CCNH: variants seen among roughly 807,000 people sequenced by gnomAD.
The protein encoded by CCNH is cyclin-H.
Under a neutral mutation model 41.9 loss-of-function variants are expected in CCNH, and 31 were observed. That is an observed-to-expected ratio of 0.74 (90% CI 0.56 to 1.00). The LOEUF (loss-of-function observed/expected upper bound fraction) is 1.00. Among genes scored for constraint, CCNH ranks in the 50% least tolerant of loss-of-function variants. CCNH has a pLI of 0.00. For missense variants in CCNH, 362 were observed against 388.4 expected (o/e 0.93, Z 0.57); for synonymous variants, 138 against 136.1 (o/e 1.01, Z -0.10).
chr5:87,345,540 T>G (rs1758800701), intron 9 of CCNH, among the ~76,000 whole-genome samples: 1 of 152,164 alleles, frequency 6.6e-6, no homozygotes, highest in Admixed American at 6.5e-5. Flanking sequence ...AGTTGTTGTA[T>G]TCTTGCTTTA....
chr5:87,398,795 A>G (rs2112554565), intron 7 of CCNH, among the ~76,000 whole-genome samples: 1 of 152,126 alleles, frequency 6.6e-6, no homozygotes, highest in Admixed American at 6.5e-5. Flanking sequence ...AACACGATGA[A>G]ACCCCGTCTC....
At chr5:87,356,102 C>T (rs1759628610) in intron 9 of CCNH, among the ~76,000 whole-genome samples, 1 of 152,160 alleles carries the variant, frequency 6.6e-6, no homozygotes, top group Admixed American at 6.5e-5. Context: ...TTAGAATATT[C>T]TATAAACTTA....
chr5:87,406,893 C>T (rs1200027290), intron 4 of CCNH, among the ~76,000 whole-genome samples: 1 of 152,148 alleles, frequency 6.6e-6, no homozygotes, highest in East Asian at 1.9e-4. Context: ...AGGTTGCCAA[C>T]ATGATCTTTT....
At chr5:87,385,270 G>A (rs368014617) in intron 9 of CCNH, 1 of 1,388,912 alleles carries the variant, frequency 7.2e-7, no homozygotes, top group Non-Finnish European at 1.0e-6. Context: ...GTTGGACTTG[G>A]TGTCATTAGC....
chr5:87,395,799 G>A (rs1285867323), intron 7 of CCNH, among the ~76,000 whole-genome samples: 1 of 152,124 alleles, frequency 6.6e-6, no homozygotes, highest in Non-Finnish European at 1.5e-5. Context: ...AGCCCAGAAG[G>A]CAGAGGGTGC....
At chr5:87,390,994 C>T, downstream of CCNH, 3 of 1,080,550 alleles carry the variant, frequency 2.8e-6, no homozygotes, top group South Asian at 3.9e-5. Context: ...TTCCACATTC[C>T]AGTGATGTGT....
intron 9 of CCNH, among the ~76,000 whole-genome samples, chr5:87,369,542 G>A (rs191517243): frequency 2.2e-4 from 33 of 152,072 alleles, no homozygotes; most frequent in Non-Finnish European, 1.3e-4. Context: ...CAATCTGTTT[G>A]TAACTTTATT....
intron 9 of CCNH, chr5:87,366,446 G>C: frequency 2.9e-6 from 1 of 342,566 alleles, no homozygotes; most frequent in East Asian, 7.5e-5. Context: ...TAAAAAGAAG[G>C]ATCAGATCCT....
At chr5:87,389,170 T>C (rs1762282677), downstream of CCNH, 1 of 440,972 alleles carries the variant, frequency 2.3e-6, no homozygotes, top group East Asian at 4.8e-5. Flanking sequence ...GATTTGTATT[T>C]GTAACAAAAA....
downstream of CCNH, chr5:87,372,055 C>A: frequency 6.7e-6 from 9 of 1,350,514 alleles, no homozygotes; most frequent in African/African-American, 1.5e-5. Context: ...AAAAACCTAA[C>A]TGATGATTTG....
chr5:87,345,622 A>G (rs1247823303), intron 9 of CCNH, among the ~76,000 whole-genome samples: 1 of 152,182 alleles, frequency 6.6e-6, no homozygotes, highest in East Asian at 1.9e-4. Context: ...ATGGTGTTAA[A>G]GAAAAGTTTA....
At chr5:87,326,002 C>G (rs1269416229) in intron 9 of CCNH, among the ~76,000 whole-genome samples, 1 of 152,048 alleles carries the variant, frequency 6.6e-6, no homozygotes, top group Non-Finnish European at 1.5e-5. Flanking sequence ...GACAGGGTCT[C>G]TCTCTGTTGC....
At chr5:87,338,501 TTA>T (rs3069490) in intron 9 of CCNH, among the ~76,000 whole-genome samples, 37,905 of 75,470 alleles carry the variant, frequency 0.5, 9,149 homozygotes, top group Admixed American at 0.54. Flanking sequence ...CCAGCTAATT[TTA>T]TATATATATA....
intron 9 of CCNH, among the ~76,000 whole-genome samples, chr5:87,352,627 G>A (rs190449988): frequency 9.0e-4 from 137 of 151,640 alleles, no homozygotes; most frequent in African/African-American, 3.0e-3. Flanking sequence ...TCTCCCTATA[G>A]TGATAATCCT....
chr5:87,404,854 T>A lies in CCNH; in HGVS notation c.679A>T (p.Thr227Ser), dbSNP rs1029073278. ...AAAACTAATTAATACCTTTCCATAGTAATTCCAGCCCTGGAGGCACTAGAT... is the reference window on the plus strand; with the variant it reads ...AAAACTAATTAATACCTTTCCATAGAAATTCCAGCCCTGGAGGCACTAGAT... Reference protein sequence around the residue: ...ILSSASRAGITMESYLSESLM... With the variant: ...ILSSASRAGISMESYLSESLM... Residue 227 changes from threonine to serine, a missense_variant, in exon 5 of 9, where the codon ACT (threonine) becomes TCT (serine). Transcript: ENST00000256897. The A allele has an allele frequency of 3.1e-6, 5 of 1,606,588 alleles. No homozygotes were observed. Among genetic ancestry groups the A allele is most frequent in the Admixed American group, 3.4e-5 (2 of 58,190 alleles).
chr5:87,346,544 G>A (rs1580319879), intron 9 of CCNH: 1 of 536,624 alleles, frequency 1.9e-6, no homozygotes, highest in Non-Finnish European at 3.4e-6. Context: ...ATAAGAATGA[G>A]ATGATTTGAT....
intron 9 of CCNH, among the ~76,000 whole-genome samples, chr5:87,327,146 T>C (rs990556635): frequency 6.6e-6 from 1 of 152,194 alleles, no homozygotes; most frequent in Non-Finnish European, 1.5e-5. Flanking sequence ...TTTATATGTG[T>C]TAGCTCATTT....
chr5:87,397,311 C>G (rs1259010012), intron 7 of CCNH, among the ~76,000 whole-genome samples: 5 of 152,010 alleles, frequency 3.3e-5, no homozygotes, highest in East Asian at 1.9e-4. Flanking sequence ...AGGCACCCAC[C>G]ACCACGTCCA....
downstream of CCNH, among the ~76,000 whole-genome samples, chr5:87,388,091 C>T (rs192143521): frequency 6.6e-6 from 1 of 152,206 alleles, no homozygotes; most frequent in East Asian, 1.9e-4. Flanking sequence ...TTTGTTTTAC[C>T]TCCTAAGCAT....
Sources: allele counts gnomAD v4.1 joint callset (sites outside exome capture counted in the v4.1 genomes callset), GRCh38; gene constraint gnomAD v4.1.1; transcripts MANE v1.5; gene names NCBI Gene and HGNC (gene_info 2026-07-23, HGNC 2026-07-21).